ESRRG: variants seen among roughly 807,000 people sequenced by gnomAD.
ESRRG encodes estrogen-related receptor gamma.
Under a neutral mutation model 44.0 loss-of-function variants are expected in ESRRG, and 13 were observed. The observed-to-expected ratio is 0.30, with a 90% confidence interval of 0.19 to 0.47. The LOEUF (loss-of-function observed/expected upper bound fraction) is 0.47, where lower values mean the gene tolerates loss of function less well. Among genes scored for constraint, ESRRG ranks in the 20% least tolerant of loss-of-function variants. The pLI is 1.00. For synonymous variants in ESRRG, 215 were observed against 214.6 expected (o/e 1.00, Z -0.02); for missense variants, 395 against 580.6 (o/e 0.68, Z 3.29).
At chr1:216,753,825 C>T (rs2092263329) in intron 2 of ESRRG, among the ~76,000 whole-genome samples, 1 of 151,916 alleles carries the variant, frequency 6.6e-6, no homozygotes, top group Non-Finnish European at 1.5e-5. Flanking sequence ...TCAGATATAA[C>T]AGGAGGGAGG....
chr1:217,055,756 T>C (rs2086959549), intron 1 of ESRRG, among the ~76,000 whole-genome samples: 1 of 151,978 alleles, frequency 6.6e-6, no homozygotes. Context: ...GCCACCAGAG[T>C]CTCCTTTTCA....
At chr1:216,529,995 C>T (rs540550210) in intron 5 of ESRRG, among the ~76,000 whole-genome samples, 1 of 151,374 alleles carries the variant, frequency 6.6e-6, no homozygotes, top group African/African-American at 2.4e-5. Flanking sequence ...GTATGTATTC[C>T]CAGCTACTCA....
chr1:216,702,742 A>C (rs1300193145), intron 1 of ESRRG, among the ~76,000 whole-genome samples: 2 of 146,652 alleles, frequency 1.4e-5, no homozygotes, highest in African/African-American at 2.6e-5. Flanking sequence ...ACGCCACTGC[A>C]CTCCAGCCTG....
At chr1:216,877,973 C>G (rs1405529776) in intron 2 of ESRRG, among the ~76,000 whole-genome samples, 2 of 152,140 alleles carry the variant, frequency 1.3e-5, no homozygotes, top group Non-Finnish European at 2.9e-5. Context: ...ATGTCATGGA[C>G]AGTGTGAGAA....
At chr1:216,943,983 A>G (rs1269307561) in intron 1 of ESRRG, among the ~76,000 whole-genome samples, 4 of 152,158 alleles carry the variant, frequency 2.6e-5, no homozygotes, top group Non-Finnish European at 4.4e-5. Flanking sequence ...TTAAGAGATA[A>G]AATGTCATGA....
At chr1:216,702,652 C>A (rs1006865035) in intron 1 of ESRRG, among the ~76,000 whole-genome samples, 1 of 150,282 alleles carries the variant, frequency 6.7e-6, no homozygotes, top group Admixed American at 6.6e-5. Context: ...TGGCATATGC[C>A]TGTAATCCCA....
chr1:216,551,451 A>G (rs2149388597), intron 5 of ESRRG, among the ~76,000 whole-genome samples: 1 of 152,292 alleles, frequency 6.6e-6, no homozygotes, highest in South Asian at 2.1e-4. Context: ...ACCCATTCTC[A>G]GGCCATATAA....
chr1:216,810,462 G>A (rs927973835), intron 2 of ESRRG, among the ~76,000 whole-genome samples: 8 of 151,570 alleles, frequency 5.3e-5, no homozygotes, highest in Admixed American at 2.0e-4. Context: ...CACAAGGGGA[G>A]GAGACACAAT....
intron 2 of ESRRG, among the ~76,000 whole-genome samples, chr1:216,763,205 T>A (rs1306383887): frequency 1.3e-5 from 2 of 152,136 alleles, no homozygotes; most frequent in African/African-American, 4.8e-5. Context: ...ATGTATTAGA[T>A]ATATTTTCAT....
chr1:216,747,003 C>A lies in ESRRG; in HGVS notation c.-13-69512G>T, dbSNP rs901948247. ...TATCAGTATGACTTAGCAAAGGAAA[C>A]CTCATCAAAGAACTCATAAAACAGG... On this transcript the variant is annotated intron_variant, in intron 2 of 7. Transcript: ENST00000359162. Among the ~76,000 whole-genome samples, 5 of 152,030 alleles carry A rather than the reference C, an allele frequency of 3.3e-5. No homozygotes were observed. In the South Asian group the frequency reaches 6.2e-4, roughly 19 times the overall value.
At chr1:216,507,300 C>T in intron 6 of ESRRG, 117 bp from the exon 7 acceptor site, 1 of 659,418 alleles carries the variant, frequency 1.5e-6, no homozygotes, top group East Asian at 3.1e-5. Flanking sequence ...GAGCTTGAAC[C>T]TATGATTTGT....
At chr1:217,128,045 G>A (rs897975571) in intron 1 of ESRRG, among the ~76,000 whole-genome samples, 2 of 152,162 alleles carry the variant, frequency 1.3e-5, no homozygotes, top group South Asian at 2.1e-4. Context: ...AGAGCACTGT[G>A]CACAGGTACT....
At chr1:216,621,687 C>T (rs975093946) in intron 3 of ESRRG, among the ~76,000 whole-genome samples, 3 of 152,200 alleles carry the variant, frequency 2.0e-5, no homozygotes, top group Non-Finnish European at 4.4e-5. Flanking sequence ...GTCATCTTGG[C>T]TTTGCTGTTC....
intron 2 of ESRRG, among the ~76,000 whole-genome samples, chr1:216,796,699 C>T (rs1032173951): frequency 6.6e-6 from 1 of 151,968 alleles, no homozygotes; most frequent in African/African-American, 2.4e-5. Context: ...TTCCATCTTC[C>T]TGAGCTCCTG....
chr1:216,692,118 T>G (rs1380516873), intron 1 of ESRRG, among the ~76,000 whole-genome samples: 2 of 152,150 alleles, frequency 1.3e-5, no homozygotes, highest in Non-Finnish European at 2.9e-5. Flanking sequence ...ATTAAAAAAT[T>G]TTTTTTAAAA....
At chr1:216,990,194 C>T (rs1192646709) in intron 1 of ESRRG, among the ~76,000 whole-genome samples, 1 of 152,034 alleles carries the variant, frequency 6.6e-6, no homozygotes, top group East Asian at 1.9e-4. Context: ...GCATGACAGG[C>T]AAAGATAACA....
chr1:216,791,541 C>A (rs866372962), intron 2 of ESRRG, among the ~76,000 whole-genome samples: 7 of 152,064 alleles, frequency 4.6e-5, no homozygotes, highest in African/African-American at 1.7e-4. Context: ...TGAAAAGATT[C>A]CTTGGAAATC....
At position 216,901,180 on chromosome 1, in the gene ESRRG, G is replaced by C. The variant is rs143558896; in HGVS notation, c.-14+38402C>G. ...TTTGTTGTGTGCATGGGGGGTGGGG[G>C]TGACAGGATGGGTACAGAATCAGAG... On this transcript the variant is annotated intron_variant, in intron 2 of 7. Transcript: ENST00000359162. 1.9e-3 allele frequency among the ~76,000 whole-genome samples: 282 copies of C among 152,032 alleles called. 1 individual carries two copies. The highest frequency in any genetic ancestry group is 6.6e-3 in the African/African-American group (275 of 41,468).
intron 3 of ESRRG, among the ~76,000 whole-genome samples, chr1:216,613,402 C>T (rs1285381660): frequency 2.0e-5 from 3 of 152,140 alleles, no homozygotes; most frequent in Admixed American, 2.0e-4. Context: ...GTGTTTATTA[C>T]AATTCTTCAT....
Sources: gnomAD v4.1 joint callset for allele counts (sites outside exome capture counted in the v4.1 genomes callset) on GRCh38, gnomAD v4.1.1 for gene constraint, MANE v1.5 for transcripts, NCBI Gene and HGNC (gene_info 2026-07-23, HGNC 2026-07-21) for gene names.